The following NCAM1 variants were observed in gnomAD, a reference collection of about 807,000 sequenced individuals.
NCAM1 encodes neural cell adhesion molecule 1, also known as antigen recognized by monoclonal antibody 5.1H11.
In NCAM1, 14 loss-of-function variants were observed where a neutral mutation model predicts 109.8. The observed-to-expected ratio is 0.13, with a 90% CI of 0.08 to 0.20. The LOEUF is 0.20. NCAM1 is among the 10% of genes least tolerant of loss of function. The pLI is 1.00. For missense variants in NCAM1, 774 were observed against 1,109.9 expected (o/e 0.70, Z 4.30); for synonymous variants, 418 against 442.9 (o/e 0.94, Z 0.70).
chr11:113,182,687 C>T (rs1943370184), intron 1 of NCAM1, among the ~76,000 whole-genome samples: 1 of 152,184 alleles, frequency 6.6e-6, no homozygotes, highest in South Asian at 2.1e-4. Flanking sequence ...AGGGGCGGTG[C>T]TGTGTTCTGG....
At position 113,204,278 on chromosome 11, in the gene NCAM1, C is replaced by T; in HGVS notation, c.128-8C>T. The stretch of plus-strand genomic sequence containing the variant: ...TCAGTAGCTTAAAAATAATCTCTTC[C>T]TCTTTAGTGGCAGGAGATGCCAAAG... On this transcript the variant is annotated splice_polypyrimidine_tract_variant and splice_region_variant and intron_variant, in intron 2 of 19. Transcript: ENST00000316851. 1 of 1,601,706 alleles carries T rather than the reference C, an allele frequency of 6.2e-7. No homozygotes were observed. The highest frequency in any genetic ancestry group is 8.5e-7 in the Non-Finnish European group (1 of 1,173,298).
chr11:113,219,469 A>G (rs1555114887), intron 8 of NCAM1, among the ~76,000 whole-genome samples: 2 of 152,380 alleles, frequency 1.3e-5, no homozygotes, highest in East Asian at 3.8e-4. Flanking sequence ...ACAATAAAAT[A>G]TGAATATCAA....
chr11:113,125,989 C>G (rs1941157379), intron 1 of NCAM1, among the ~76,000 whole-genome samples: 1 of 151,790 alleles, frequency 6.6e-6, no homozygotes, highest in South Asian at 2.1e-4. Flanking sequence ...AACTCCATCT[C>G]TACCAAAAAA....
intron 17 of NCAM1, among the ~76,000 whole-genome samples, chr11:113,268,010 C>T (rs1300508521): frequency 2.6e-5 from 4 of 152,228 alleles, no homozygotes; most frequent in African/African-American, 9.6e-5. Context: ...GATCTTTCTT[C>T]AGGGAGTAGG....
chr11:113,014,947 G>A (rs1555075056), intron 1 of NCAM1, among the ~76,000 whole-genome samples: 15 of 152,204 alleles, frequency 9.9e-5, no homozygotes, highest in Non-Finnish European at 2.2e-4. Context: ...AAGGCTGTGA[G>A]TGGATGTGGC....
At chr11:113,186,710 G>T (rs1178535568) in intron 1 of NCAM1, among the ~76,000 whole-genome samples, 6 of 152,194 alleles carry the variant, frequency 3.9e-5, no homozygotes, top group African/African-American at 1.4e-4. Context: ...CTTACAAAGG[G>T]TCGCCCTCTA....
intron 1 of NCAM1, among the ~76,000 whole-genome samples, chr11:113,039,221 C>A (rs1386780996): frequency 2.0e-5 from 3 of 152,194 alleles, no homozygotes; most frequent in Admixed American, 1.3e-4. Context: ...TTGCAATTGG[C>A]AAACAGAGGC....
intron 15 of NCAM1, among the ~76,000 whole-genome samples, chr11:113,255,336 G>C (rs1037143890): frequency 6.6e-6 from 1 of 152,026 alleles, no homozygotes; most frequent in African/African-American, 2.4e-5. Context: ...ATAAAATGTC[G>C]TTCATGAAAA....
intron 1 of NCAM1, among the ~76,000 whole-genome samples, chr11:112,983,108 A>C (rs1951196883): frequency 6.6e-6 from 1 of 151,996 alleles, no homozygotes; most frequent in African/African-American, 2.4e-5. Context: ...TTTCAAAAAG[A>C]ATTAAAACCA....
intron 1 of NCAM1, among the ~76,000 whole-genome samples, chr11:113,018,764 A>G (rs567919507): frequency 6.6e-6 from 1 of 152,340 alleles, no homozygotes; most frequent in East Asian, 1.9e-4. Flanking sequence ...TAAAACAGAC[A>G]TAGTCTTAAA....
At chr11:113,013,008 G>GT (rs1952110457) in intron 1 of NCAM1, among the ~76,000 whole-genome samples, 1 of 152,064 alleles carries the variant, frequency 6.6e-6, no homozygotes, top group Non-Finnish European at 1.5e-5. Flanking sequence ...TTATGGAGAG[G>GT]GAGACAAAAT....
chr11:113,102,730 GC>G (rs1939931349), intron 1 of NCAM1, among the ~76,000 whole-genome samples: 1 of 152,302 alleles, frequency 6.6e-6, no homozygotes, highest in South Asian at 2.1e-4. Context: ...TTCTACTATT[GC>G]ACTAAAAGGA....
chr11:113,083,974 T>TG (rs1159495193), intron 1 of NCAM1, among the ~76,000 whole-genome samples: 6 of 152,058 alleles, frequency 3.9e-5, no homozygotes, highest in Admixed American at 1.3e-4. Context: ...GAGAAGAAGC[T>TG]GGGGAGGGAA....
chr11:113,067,406 C>T (rs1376504421), intron 1 of NCAM1, among the ~76,000 whole-genome samples: 4 of 152,186 alleles, frequency 2.6e-5, no homozygotes, highest in African/African-American at 9.7e-5. Flanking sequence ...CGGATATGAC[C>T]TCACAATTAG....
At chr11:113,173,217 A>G (rs531604868) in intron 1 of NCAM1, among the ~76,000 whole-genome samples, 1 of 152,302 alleles carries the variant, frequency 6.6e-6, no homozygotes, top group African/African-American at 2.4e-5. Context: ...ACAAAACCAC[A>G]AAGCTTTTTG....
At chr11:113,108,311 C>A (rs1446774353) in intron 1 of NCAM1, among the ~76,000 whole-genome samples, 1 of 152,168 alleles carries the variant, frequency 6.6e-6, no homozygotes, top group African/African-American at 2.4e-5. Context: ...TATCTCTGAG[C>A]AGGGTGCTGG....
Position 113,010,829 on chromosome 11 carries a change from T to A in NCAM1, c.52+49165T>A, listed in dbSNP as rs563295095. Among the ~76,000 whole-genome samples, 7 of 152,332 alleles carry A rather than the reference T, an allele frequency of 4.6e-5. No individual in the cohort carries two copies. In the South Asian group the frequency reaches 1.4e-3, roughly 32 times the overall value. ...GTTACATGACAATAAAGTCAGGTTA[T>A]CATTATGTGTCAAATGAACACTTAA... is the stretch of plus-strand genomic sequence containing the variant. On this transcript the variant is annotated intron_variant, in intron 1 of 19. Transcript: ENST00000316851.
chr11:113,195,566 G>A (rs1482878695), intron 1 of NCAM1, among the ~76,000 whole-genome samples: 2 of 139,528 alleles, frequency 1.4e-5, no homozygotes, highest in Non-Finnish European at 3.0e-5. Flanking sequence ...GCAGTGGCGC[G>A]ATCTCGGCTC....
intron 1 of NCAM1, among the ~76,000 whole-genome samples, chr11:113,178,254 C>T (rs782670321): frequency 6.6e-6 from 1 of 151,938 alleles, no homozygotes; most frequent in Non-Finnish European, 1.5e-5. Flanking sequence ...AAAATGGGGG[C>T]CAAATGGGAG....
Sources: gnomAD v4.1 joint callset for allele counts (sites outside exome capture counted in the v4.1 genomes callset) on GRCh38, gnomAD v4.1.1 for gene constraint, MANE v1.5 for transcripts, NCBI Gene and HGNC (gene_info 2026-07-23, HGNC 2026-07-21) for gene names.